FANCC: variants seen among roughly 807,000 people sequenced by gnomAD.
FANCC encodes Fanconi anemia group C protein.
Under a neutral mutation model 71.3 loss-of-function variants are expected in FANCC, and 55 were observed. The ratio of observed to expected loss-of-function variants is 0.77; its 90% CI spans 0.62 to 0.97. The LOEUF is 0.97. Among genes scored for constraint, FANCC ranks in the 50% least tolerant of loss-of-function variants. The probability of loss-of-function intolerance (pLI) is 0.00; values close to 1 mark genes in which losing one functional copy is unlikely to be tolerated. For synonymous variants in FANCC, 275 were observed against 244.9 expected (o/e 1.12, Z -1.15); for missense variants, 678 against 670.9 (o/e 1.01, Z -0.12).
At chr9:95,235,427 C>A (rs770729843) in intron 4 of FANCC, among the ~76,000 whole-genome samples, 1 of 152,216 alleles carries the variant, frequency 6.6e-6, no homozygotes, top group Non-Finnish European at 1.5e-5. Context: ...CTACTTACCA[C>A]CTTACACCAC....
At chr9:95,298,852 A>G (rs1326891384) in intron 1 of FANCC, among the ~76,000 whole-genome samples, 1 of 152,266 alleles carries the variant, frequency 6.6e-6, no homozygotes, top group African/African-American at 2.4e-5. Flanking sequence ...ATATACAAAT[A>G]CAAGAAATCA....
intron 8 of FANCC, among the ~76,000 whole-genome samples, chr9:95,129,173 C>G (rs1335978679): frequency 6.6e-6 from 1 of 152,162 alleles, no homozygotes; most frequent in Non-Finnish European, 1.5e-5. Context: ...CTTGCTACCC[C>G]TACAGCTGTG....
intron 3 of FANCC, among the ~76,000 whole-genome samples, chr9:95,245,182 T>C (rs1830887341): frequency 1.3e-5 from 2 of 152,160 alleles, no homozygotes; most frequent in South Asian, 4.2e-4. Flanking sequence ...CAAATGAAGG[T>C]CATTCAACAA....
chr9:95,272,368 G>A (rs1367485847), intron 1 of FANCC, among the ~76,000 whole-genome samples: 2 of 151,896 alleles, frequency 1.3e-5, no homozygotes, highest in African/African-American at 4.8e-5. Flanking sequence ...TTTTCTATTT[G>A]TAGAAAGTAT....
chr9:95,143,146 C>T (rs1442188897), intron 7 of FANCC, among the ~76,000 whole-genome samples: 3 of 152,128 alleles, frequency 2.0e-5, no homozygotes, highest in Non-Finnish European at 4.4e-5. Flanking sequence ...TTGCCATTAC[C>T]AATTTATTCT....
intron 1 of FANCC, among the ~76,000 whole-genome samples, chr9:95,259,913 T>C (rs1181928270): frequency 1.3e-5 from 2 of 152,228 alleles, no homozygotes; most frequent in Non-Finnish European, 2.9e-5. Flanking sequence ...AGAAGACATT[T>C]ATGCAGCCAA....
At chr9:95,284,741 G>A (rs1323152768) in intron 1 of FANCC, among the ~76,000 whole-genome samples, 1 of 151,978 alleles carries the variant, frequency 6.6e-6, no homozygotes, top group Non-Finnish European at 1.5e-5. Flanking sequence ...ACAATGATAT[G>A]TACCAGTCTT....
At chr9:95,233,413 A>C (rs1243324384) in intron 4 of FANCC, among the ~76,000 whole-genome samples, 1 of 152,158 alleles carries the variant, frequency 6.6e-6, no homozygotes, top group Non-Finnish European at 1.5e-5. Context: ...TTCCCTTTTA[A>C]ATTGCCATTC....
At chr9:95,255,266 C>T (rs986816725) in intron 1 of FANCC, among the ~76,000 whole-genome samples, 2 of 152,128 alleles carry the variant, frequency 1.3e-5, no homozygotes, top group African/African-American at 2.4e-5. Flanking sequence ...GACAAGGAGA[C>T]ACTTCCAAGC....
rs77946722 is a variant in FANCC at position 95,236,141 on chromosome 9, C to A, written c.345+4508G>T. ...CACCTTTTGATCTCTGTTCCTGGTA[C>A]CCTGTTGTGTTTTTTTGTCTTTTTT... On this transcript the variant is annotated intron_variant, in intron 4 of 14. Coordinates refer to ENST00000289081, the MANE Select transcript of FANCC (RefSeq NM_000136.3). 3.7e-3 allele frequency among the ~76,000 whole-genome samples: 566 copies of A among 152,074 alleles called. 2 individuals carry two copies. Among genetic ancestry groups the A allele is most frequent in the African/African-American group, 0.013 (550 of 41,462 alleles).
Position 95,146,943 on chromosome 9 carries a change from A to C in FANCC, c.686+2980T>G, listed in dbSNP as rs1354546781. On this transcript the variant is annotated intron_variant, in intron 7 of 14. Coordinates refer to ENST00000289081, the MANE Select transcript of FANCC (RefSeq NM_000136.3). ...GTACACTTTGTTGGGTTTTGTAGTAATATATATTTTTTAATTTTGAAAACT... is the reference window on the plus strand; with the variant it reads ...GTACACTTTGTTGGGTTTTGTAGTACTATATATTTTTTAATTTTGAAAACT... 3.3e-5 allele frequency among the ~76,000 whole-genome samples: 5 copies of C among 151,918 alleles called. No individual in the cohort carries two copies. In the East Asian group the frequency reaches 9.6e-4, roughly 29 times the overall value.
chr9:95,196,556 C>T (rs1438305905), intron 4 of FANCC, among the ~76,000 whole-genome samples: 1 of 152,178 alleles, frequency 6.6e-6, no homozygotes, highest in Non-Finnish European at 1.5e-5. Context: ...CGACACTACA[C>T]TTGCAAAACT....
intron 1 of FANCC, among the ~76,000 whole-genome samples, chr9:95,286,764 A>G (rs1340869837): frequency 1.3e-5 from 2 of 152,218 alleles, no homozygotes; most frequent in African/African-American, 4.8e-5. Flanking sequence ...CAGCCACAGC[A>G]CTTTCCTGGC....
intron 1 of FANCC, among the ~76,000 whole-genome samples, chr9:95,304,897 CCA>C (rs1219450511): frequency 1.3e-5 from 2 of 152,084 alleles, no homozygotes; most frequent in Admixed American, 1.3e-4. Context: ...CTATGTGCTT[CCA>C]CAGTTACCAA....
intron 7 of FANCC, among the ~76,000 whole-genome samples, chr9:95,143,256 C>T (rs1829035459): frequency 6.6e-6 from 1 of 152,208 alleles, no homozygotes; most frequent in Admixed American, 6.5e-5. Flanking sequence ...ACGTCACCTT[C>T]CCAGCACCTG....
At chr9:95,286,849 A>C (rs1833717205) in intron 1 of FANCC, among the ~76,000 whole-genome samples, 2 of 152,216 alleles carry the variant, frequency 1.3e-5, no homozygotes, top group South Asian at 4.1e-4. Context: ...AATTTTTAAA[A>C]GGTAATATGA....
At chr9:95,285,606 T>C (rs1833643442) in intron 1 of FANCC, among the ~76,000 whole-genome samples, 1 of 152,018 alleles carries the variant, frequency 6.6e-6, no homozygotes, top group Non-Finnish European at 1.5e-5. Context: ...CCCAGGAAGC[T>C]GAGGCTGCAG....
intron 13 of FANCC, chr9:95,110,201 G>A: frequency 2.1e-6 from 2 of 967,678 alleles, no homozygotes; most frequent in Non-Finnish European, 2.5e-6. Flanking sequence ...AGTAGAAGAT[G>A]TGCCAATGTA....
intron 4 of FANCC, among the ~76,000 whole-genome samples, chr9:95,191,961 C>T (rs1283883644): frequency 6.6e-6 from 1 of 152,092 alleles, no homozygotes; most frequent in Non-Finnish European, 1.5e-5. Context: ...GATCCATTTT[C>T]CATAAGGCAG....
Sources: gnomAD v4.1 joint callset for allele counts (sites outside exome capture counted in the v4.1 genomes callset) on GRCh38, gnomAD v4.1.1 for gene constraint, MANE v1.5 for transcripts, NCBI Gene and HGNC (gene_info 2026-07-23, HGNC 2026-07-21) for gene names.